The following HMG20A variants were observed in gnomAD, a reference collection of about 807,000 sequenced individuals.
HMG20A encodes high mobility group 20A.
A neutral mutation model predicts 43.9 loss-of-function variants in HMG20A; 17 were observed. The observed-to-expected ratio is 0.39, with a 90% CI of 0.27 to 0.58. The LOEUF (loss-of-function observed/expected upper bound fraction) is 0.58, where lower values mean the gene tolerates loss of function less well. Among genes scored for constraint, HMG20A ranks in the 20% least tolerant of loss-of-function variants. The pLI is 0.59. For missense variants in HMG20A, 341 were observed against 438.2 expected (o/e 0.78, Z 1.98); for synonymous variants, 132 against 147.5 (o/e 0.89, Z 0.76).
chr15:77,452,629 A>G lies in HMG20A; in HGVS notation c.-4-5775A>G, dbSNP rs1258668180. ...GAATGAATCAAAGGCATAAATGTTA[A>G]GAGCTAAAATTATAAAGCTCTTAGA... On this transcript the variant is annotated intron_variant, in intron 1 of 9. Transcript: ENST00000336216. Among the ~76,000 whole-genome samples, 4 of 152,276 alleles carry G rather than the reference A, an allele frequency of 2.6e-5. No individual in the cohort carries two copies. In the East Asian group the frequency reaches 7.7e-4, roughly 29 times the overall value.
At chr15:77,498,177 C>T in the HMG20A span, among the ~76,000 whole-genome samples, 1 of 152,170 alleles carries the variant, frequency 6.6e-6, no homozygotes, top group Non-Finnish European at 1.5e-5. Flanking sequence ...GCACACAGCC[C>T]TTTCTTACCT....
At chr15:77,435,415 C>T (rs1567391211) in intron 1 of HMG20A, among the ~76,000 whole-genome samples, 1 of 152,158 alleles carries the variant, frequency 6.6e-6, no homozygotes, top group Non-Finnish European at 1.5e-5. Flanking sequence ...TCCCAAGTTG[C>T]TGGGACTACA....
chr15:77,475,803 T>G (rs1340121509), intron 6 of HMG20A, among the ~76,000 whole-genome samples: 1 of 152,194 alleles, frequency 6.6e-6, no homozygotes, highest in Non-Finnish European at 1.5e-5. Context: ...ATGGCTAAGA[T>G]TCCTTCTGGA....
rs777533865 is a variant in HMG20A, at chr15:77,458,457, A to T, written c.50A>T (p.Glu17Val). ...SSTLPPLFAD[E>V]DGSKESNDLA... ...ACCCTACCGCCCCTTTTTGCAGATG[A>T]AGACGGTTCCAAGGAGAGTAATGAT... Residue 17 changes from glutamate (E) to valine (V), a missense_variant, in exon 2 of 10, where the codon GAA becomes GTA. This residue lies in a region of HMG20A where 220 missense variants were observed against 263.6 expected (regional missense o/e 0.83). Coordinates refer to ENST00000336216, the MANE Select transcript of HMG20A (RefSeq NM_001304504.2). 6.4e-5 allele frequency: 104 copies of T among 1,613,354 alleles called. No individual in the cohort carries two copies. Among genetic ancestry groups the T allele is most frequent in the Non-Finnish European group, 8.6e-5 (102 of 1,179,540 alleles).
chr15:77,457,248 A>C (rs946338751), intron 1 of HMG20A, among the ~76,000 whole-genome samples: 20 of 152,322 alleles, frequency 1.3e-4, no homozygotes, highest in Middle Eastern at 3.4e-3. Flanking sequence ...ACCTCAGTGG[A>C]GTGATCCTGG....
chr15:77,497,682 A>AGAGAGAGT, the HMG20A span, among the ~76,000 whole-genome samples: 27 of 119,080 alleles, frequency 2.3e-4, 1 homozygote, highest in East Asian at 2.7e-3. Context: ...AGAGAGAGAG[A>AGAGAGAGT]GTGTGTGTGT....
intron 1 of HMG20A, chr15:77,447,572 A>G (rs569745817): frequency 6.6e-6 from 1 of 152,288 alleles, no homozygotes; most frequent in East Asian, 1.9e-4. Context: ...TTTTAAGAAG[A>G]TATCTGATTT....
chr15:77,445,047 T>G (rs939351175), intron 1 of HMG20A, among the ~76,000 whole-genome samples: 16 of 152,240 alleles, frequency 1.1e-4, no homozygotes, highest in Admixed American at 7.2e-4. Context: ...AGTCAGTTGA[T>G]TAAAATGAAA....
At position 77,439,867 on chromosome 15, in the gene HMG20A, C is replaced by T. The variant is rs373299939; in HGVS notation, c.-4-18537C>T. On this transcript the variant is annotated intron_variant, in intron 1 of 9. Coordinates refer to ENST00000336216, the MANE Select transcript of HMG20A (RefSeq NM_001304504.2). ...TAGCACCGTCAGAGAATTTCAGTTC[C>T]TCTCCATCCTTGCTACCACTGTGTA... Among the ~76,000 whole-genome samples the T allele has an allele frequency of 1.7e-4, 26 of 152,254 alleles. No homozygotes were observed. The East Asian group carries it at 2.1e-3, about 12-fold the overall frequency.
intron 8 of HMG20A, among the ~76,000 whole-genome samples, chr15:77,478,757 T>G (rs1315893263): frequency 1.3e-5 from 2 of 152,268 alleles, no homozygotes; most frequent in African/African-American, 4.8e-5. Context: ...TTCCCCTCTT[T>G]TAAGCTTAAT....
chr15:77,470,210 T>A (rs2072794563), intron 4 of HMG20A, among the ~76,000 whole-genome samples: 1 of 152,218 alleles, frequency 6.6e-6, no homozygotes, highest in Non-Finnish European at 1.5e-5. Flanking sequence ...AGAAGCAGTA[T>A]TTTTATACTT....
intron 6 of HMG20A, among the ~76,000 whole-genome samples, chr15:77,475,410 C>G (rs2072846227): frequency 6.6e-6 from 1 of 152,212 alleles, no homozygotes; most frequent in Admixed American, 6.5e-5. Context: ...TCTGCCCTTA[C>G]ATAATTAGCT....
Position 77,478,295 on chromosome 15 carries a change from C to G in HMG20A, c.692C>G (p.Ala231Gly). 6.2e-7 allele frequency: 1 copy of G among 1,613,136 alleles called. No individual in the cohort carries two copies. The highest frequency in any genetic ancestry group is 8.5e-7 in the Non-Finnish European group (1 of 1,179,976). The change falls in exon 8 of 10, where the codon GCT becomes GGT. Residue 231 changes from alanine (A) to glycine (G), a missense_variant and splice_region_variant. By Grantham distance (60) the Ala-to-Gly change is moderately conservative. Around this residue, in one of 3 missense-constraint regions of HMG20A, gnomAD observed 118 missense variants for 154.5 expected, o/e 0.76. Transcript: ENST00000336216. ...FTEEFLNHSKAREAELRQLRK... is the reference protein window; with the variant it reads ...FTEEFLNHSKGREAELRQLRK... ...TGTTCTGTGGGATGTATGTCCTCAG[C>G]TCGGGAAGCAGAGCTCCGCCAGCTT...
At chr15:77,450,169 G>A (rs911705895) in intron 1 of HMG20A, among the ~76,000 whole-genome samples, 6 of 151,368 alleles carry the variant, frequency 4.0e-5, no homozygotes, top group Middle Eastern at 3.4e-3. Context: ...TTGCTTTGTC[G>A]CCCAGGCTGG....
At chr15:77,471,616 CT>C (rs1321447461) in intron 5 of HMG20A, among the ~76,000 whole-genome samples, 166 bp from the exon 6 acceptor site, 1 of 152,080 alleles carries the variant, frequency 6.6e-6, no homozygotes, top group Non-Finnish European at 1.5e-5. Flanking sequence ...ATGGGGTTCC[CT>C]TACTTTTGTT....
rs146410583 is a variant in HMG20A, at chr15:77,470,999, T to C, written c.540T>C (p.Ser180=). The change falls in exon 5 of 10, where the codon AGT becomes AGC. Residue 180 remains serine (S), a synonymous_variant. Transcript: ENST00000336216. ...YQKTEAYKVF[S]RKTQDRQKGK... ...AAACAGAGGCCTACAAGGTCTTCAGTAGGAAAACCCAGGACCGTCAGAAAG... is the reference window on the plus strand; with the variant it reads ...AAACAGAGGCCTACAAGGTCTTCAGCAGGAAAACCCAGGACCGTCAGAAAG... 6.2e-6 allele frequency: 10 copies of C among 1,613,400 alleles called. No individual in the cohort carries two copies. The highest frequency in any genetic ancestry group is 1.3e-5 in the African/African-American group (1 of 74,978).
chr15:77,507,726 C>T, the HMG20A span, among the ~76,000 whole-genome samples: 1 of 152,170 alleles, frequency 6.6e-6, no homozygotes, highest in African/African-American at 2.4e-5. Flanking sequence ...CAAAAATGTC[C>T]AGGTATTTCC....
At chr15:77,461,628 C>G (rs2072705812) in intron 2 of HMG20A, among the ~76,000 whole-genome samples, 1 of 152,140 alleles carries the variant, frequency 6.6e-6, no homozygotes, top group Admixed American at 6.5e-5. Context: ...ATCAAGAAGG[C>G]ATGTGATGCC....
Position 77,464,322 on chromosome 15 carries a change from G to C in HMG20A, c.172G>C (p.Gly58Arg). 6.2e-7 allele frequency: 1 copy of C among 1,613,878 alleles called. No homozygotes were observed. The highest frequency in any genetic ancestry group is 1.1e-5 in the South Asian group (1 of 91,074). The change falls in exon 3 of 10, where the codon GGT becomes CGT. Residue 58 changes from glycine to arginine, a missense_variant. Around this residue, in one of 3 missense-constraint regions of HMG20A, gnomAD observed 220 missense variants for 263.6 expected, o/e 0.83. Transcript: ENST00000336216. ...AGAATTTGTGGAGGATCTCTCTCAA[G>C]GTCAGTTGCTTCAGAGTGAGTCTTC... ...NPEFVEDLSQGQLLQSESSNA... is the reference protein window; with the variant it reads ...NPEFVEDLSQRQLLQSESSNA...
Sources: allele counts gnomAD v4.1 joint callset (sites outside exome capture counted in the v4.1 genomes callset), GRCh38; gene constraint gnomAD v4.1.1; regional missense constraint gnomAD v4.1.1; transcripts MANE v1.5; gene names NCBI Gene and HGNC (gene_info 2026-07-23, HGNC 2026-07-21).